SLC22A13: variants seen among roughly 807,000 people sequenced by gnomAD.
SLC22A13 encodes solute carrier family 22 member 13, also known as organic anion transporter 10.
In SLC22A13, 42 loss-of-function variants were observed where a neutral mutation model predicts 49.1. That is an observed-to-expected ratio of 0.85 (90% CI 0.67 to 1.11). The LOEUF (loss-of-function observed/expected upper bound fraction) is 1.11, where lower values mean the gene tolerates loss of function less well. Among genes scored for constraint, SLC22A13 ranks in the 50% least tolerant of loss-of-function variants. The pLI, the probability that SLC22A13 is intolerant of heterozygous loss-of-function variation, is 0.00. For missense variants in SLC22A13, 694 were observed against 712.8 expected, an observed-to-expected ratio of 0.97 and a Z score of 0.30; for synonymous variants, 282 against 293.1, an observed-to-expected ratio of 0.96 and a Z score of 0.39.
Position 38,266,168 on chromosome 3 carries a change from T to G in SLC22A13, c.308T>G (p.Phe103Cys). The G allele has an allele frequency of 6.2e-7, 1 of 1,614,158 alleles. No individual in the cohort carries two copies. The highest frequency in any genetic ancestry group is 8.5e-7 in the Non-Finnish European group (1 of 1,180,020). Residue 103 changes from phenylalanine (F) to cysteine (C), a missense_variant, in exon 1 of 10, where the codon TTC becomes TGC. Coordinates refer to ENST00000311856, the MANE Select transcript of SLC22A13 (RefSeq NM_004256.4). ...CTGCAGGACATCCTCAGCCACCGCT[T>G]CAATGAGACGCAGCCTTGTGATATG... ...ASLQDILSHR[F>C]NETQPCDMGW...
Position 38,274,671 on chromosome 3 carries a change from T to C in SLC22A13, c.550T>C (p.Phe184Leu). The change falls in exon 3 of 10, where the codon TTT becomes CTT. Residue 184 changes from phenylalanine (F) to leucine (L), a missense_variant. Coordinates refer to ENST00000311856, the MANE Select transcript of SLC22A13 (RefSeq NM_004256.4). ...CACCCTCATCGGCCTGGCCACAGCT[T>C]TTGTGCCCAGCTTTGAGCTCTACAT... is the stretch of plus-strand genomic sequence containing the variant. ...LFTLIGLATA[F>L]VPSFELYMAL... 2 of 1,614,140 alleles carry C rather than the reference T, an allele frequency of 1.2e-6. No individual in the cohort carries two copies. Among genetic ancestry groups the C allele is most frequent in the Non-Finnish European group, 1.7e-6 (2 of 1,180,006 alleles).
At chr3:38,273,165 T>A (rs758543487) in intron 1 of SLC22A13, among the ~76,000 whole-genome samples, 2 of 152,132 alleles carry the variant, frequency 1.3e-5, no homozygotes, top group African/African-American at 2.4e-5. Flanking sequence ...TCAAGAGGCA[T>A]GGCGGGACTC....
At chr3:38,266,974 A>G (rs1348469773) in intron 1 of SLC22A13, among the ~76,000 whole-genome samples, 2 of 152,200 alleles carry the variant, frequency 1.3e-5, no homozygotes, top group Non-Finnish European at 2.9e-5. Flanking sequence ...AGGGCAATGC[A>G]GTGAGCTGAT....
chr3:38,266,278 G>A (rs1042708245), intron 1 of SLC22A13, 40 bp downstream of exon 1: 3 of 1,591,590 alleles, frequency 1.9e-6, no homozygotes, highest in Non-Finnish European at 2.6e-6. Flanking sequence ...CCGGTTGTGG[G>A]TCTGTCAGGT....
intron 7 of SLC22A13, 28 bp downstream of exon 7, chr3:38,276,124 C>T: frequency 2.5e-6 from 4 of 1,587,500 alleles, no homozygotes; most frequent in Non-Finnish European, 1.7e-6. Flanking sequence ...CCCTCACCCG[C>T]ATGCCCCCTC....
In SLC22A13 at chr3:38,266,232, G is replaced by C. The variant is rs747936192; in HGVS notation, c.372G>C (p.Lys124Asn). Residue 124 changes from lysine (K) to asparagine (N), a missense_variant, in exon 1 of 10, where the codon AAG (lysine) becomes AAC (asparagine). Coordinates refer to ENST00000311856, the MANE Select transcript of SLC22A13 (RefSeq NM_004256.4). ...EYPENRLPSL[K>N]NEFNLVCDRK... ...CTGAGAACAGGCTCCCATCCCTGAA[G>C]AATGAGGTAGGCTTGTCCTTTTGCT... 6.2e-7 allele frequency: 1 copy of C among 1,613,460 alleles called. No individual in the cohort carries two copies. The highest frequency in any genetic ancestry group is 1.1e-5 in the South Asian group (1 of 91,060).
At chr3:38,274,193 G>T (rs1703550005) in intron 1 of SLC22A13, 79 bp from the exon 2 acceptor site, 1 of 1,051,470 alleles carries the variant, frequency 9.5e-7, no homozygotes, top group Non-Finnish European at 1.5e-6. Context: ...CTGCCCTGAA[G>T]GGTTTGTAGT....
chr3:38,275,726 G>A, intron 6 of SLC22A13, 54 bp downstream of exon 6: 3 of 1,574,050 alleles, frequency 1.9e-6, no homozygotes, highest in Non-Finnish European at 2.6e-6. Flanking sequence ...TCCCTGGTGT[G>A]TGTTGGCAGA....
intron 1 of SLC22A13, among the ~76,000 whole-genome samples, chr3:38,269,104 A>T (rs1191383434): frequency 1.3e-5 from 2 of 152,242 alleles, no homozygotes; most frequent in Non-Finnish European, 1.5e-5. Context: ...TTGAAGCAAC[A>T]GAACAAACGA....
chr3:38,267,619 A>G (rs1415104481), intron 1 of SLC22A13, among the ~76,000 whole-genome samples: 2 of 152,226 alleles, frequency 1.3e-5, no homozygotes, highest in Non-Finnish European at 2.9e-5. Context: ...AACCGTATTC[A>G]GCCAAAGGCC....
intron 8 of SLC22A13, 126 bp from the exon 9 acceptor site, chr3:38,276,784 TGG>T (rs1703589371): frequency 1.3e-6 from 1 of 772,800 alleles, no homozygotes; most frequent in Non-Finnish European, 2.1e-6. Flanking sequence ...GAACGCTGGC[TGG>T]GCTGGGTGAG....
In SLC22A13 at chr3:38,277,140, C is replaced by T. The variant is rs1039140756; in HGVS notation, c.1562+13C>T. ...GGCCTCACCCACGGTGAGCTGCTTG[C>T]TTGCACTGAAACCACGACTTGGGTC... On this transcript the variant is annotated intron_variant, in intron 9 of 9. Coordinates refer to ENST00000311856, the MANE Select transcript of SLC22A13 (RefSeq NM_004256.4). 2 of 1,545,140 alleles carry T rather than the reference C, an allele frequency of 1.3e-6. No homozygotes were observed. The highest frequency in any genetic ancestry group is 1.8e-6 in the Non-Finnish European group (2 of 1,141,420).
Position 38,276,208 on chromosome 3 carries a change from G to T in SLC22A13, c.1238-79G>T, listed in dbSNP as rs546529179. 378 of 1,485,884 alleles carry T rather than the reference G, an allele frequency of 2.5e-4. 1 individual carries two copies. The highest frequency in any genetic ancestry group is 4.7e-4 in the Admixed American group (27 of 57,954). The allele number at this position is 1,485,884 out of a possible 1,614,324, so 92.0% of individuals were successfully genotyped here. ...GGAGTAAAGGCTTCCCGGGGGTTTG[G>T]GTACAGAAGGGGTGGGGAGTTCCAG... On this transcript the variant is annotated intron_variant, in intron 7 of 9. Coordinates refer to ENST00000311856, the MANE Select transcript of SLC22A13 (RefSeq NM_004256.4).
rs1488730171 is a variant in SLC22A13 at position 38,276,797 on chromosome 3, G to T, written c.1347-115G>T. 3.4e-6 allele frequency: 3 copies of T among 884,870 alleles called. No homozygotes were observed. The African/African-American group carries it at 5.0e-5, about 15-fold the overall frequency. The allele number at this position is 884,870 out of a possible 1,614,324, so 54.8% of individuals were successfully genotyped here. Reference sequence around the variant, plus strand: ...AGGAACGCTGGCTGGGCTGGGTGAGGCTGGAGACCCTGCAGACCTTTGAGG... The same window carrying T: ...AGGAACGCTGGCTGGGCTGGGTGAGTCTGGAGACCCTGCAGACCTTTGAGG... On this transcript the variant is annotated intron_variant, in intron 8 of 9. Coordinates refer to ENST00000311856, the MANE Select transcript of SLC22A13 (RefSeq NM_004256.4).
Position 38,274,297 on chromosome 3 carries a change from A to C in SLC22A13, c.404A>C (p.His135Pro), listed in dbSNP as rs539446747. 15 of 1,614,094 alleles carry C rather than the reference A, an allele frequency of 9.3e-6. No individual in the cohort carries two copies. The South Asian group carries it at 1.5e-4, about 17-fold the overall frequency. The change falls in exon 2 of 10, where the codon CAC becomes CCC. Residue 135 changes from histidine to proline, a missense_variant. His to Pro is a moderately conservative substitution (Grantham distance 77). Coordinates refer to ENST00000311856, the MANE Select transcript of SLC22A13 (RefSeq NM_004256.4). The stretch of plus-strand genomic sequence containing the variant: ...TTCAACCTGGTTTGTGATCGGAAGC[A>C]CCTGAAGGACACCACACAGTCAGTG... Reference protein sequence around the residue: ...NEFNLVCDRKHLKDTTQSVFM... With the variant: ...NEFNLVCDRKPLKDTTQSVFM...
intron 9 of SLC22A13, 58 bp downstream of exon 9, chr3:38,277,185 T>A (rs532316618): frequency 7.4e-7 from 1 of 1,351,126 alleles, no homozygotes; most frequent in East Asian, 2.5e-5. Flanking sequence ...CCACGCACTC[T>A]ATATGCCCAG....
chr3:38,271,621 A>G (rs1454552965), intron 1 of SLC22A13, among the ~76,000 whole-genome samples: 1 of 151,924 alleles, frequency 6.6e-6, no homozygotes, highest in Admixed American at 6.6e-5. Context: ...AAGACCATCA[A>G]TGAATAGCAA....
chr3:38,275,754 G>C, intron 6 of SLC22A13, 82 bp downstream of exon 6: 2 of 1,506,496 alleles, frequency 1.3e-6, no homozygotes, highest in Admixed American at 1.7e-5. Context: ...GCTGGTGGCT[G>C]TTTGGCTGGG....
rs1424565985 is a variant in SLC22A13 at position 38,277,029 on chromosome 3, C to T, written c.1464C>T (p.Leu488=). The T allele has an allele frequency of 4.4e-6, 7 of 1,605,238 alleles. No individual in the cohort carries two copies. The highest frequency in any genetic ancestry group is 6.0e-6 in the Non-Finnish European group (7 of 1,176,158). Residue 488 remains leucine (L), a synonymous_variant, in exon 9 of 10, where the codon CTC becomes CTT. Coordinates refer to ENST00000311856, the MANE Select transcript of SLC22A13 (RefSeq NM_004256.4). ...AALPMLIYGS[L]PIVAGLLCTL... is the part of the protein sequence containing the mutation. ...TCCCCATGCTCATCTACGGCAGCCT[C>T]CCCATCGTGGCCGGCCTGCTGTGCA...
Sources: gnomAD v4.1 joint callset for allele counts (sites outside exome capture counted in the v4.1 genomes callset) on GRCh38, gnomAD v4.1.1 for gene constraint, MANE v1.5 for transcripts, NCBI Gene and HGNC (gene_info 2026-07-23, HGNC 2026-07-21) for gene names.